Variants in FSTL5 observed in about 807,000 individuals in gnomAD.
FSTL5 encodes follistatin like 5, also known as follistatin-related protein 5.
In FSTL5, 62 loss-of-function variants were observed where a neutral mutation model predicts 89.1. The observed-to-expected ratio is 0.70, with a 90% CI of 0.57 to 0.86. The LOEUF (loss-of-function observed/expected upper bound fraction) is 0.86, where lower values mean the gene tolerates loss of function less well. Ranked by LOEUF, FSTL5 falls within the 40% of genes least tolerant of loss-of-function variation. The pLI is 0.00. For synonymous variants in FSTL5, 383 were observed against 346.2 expected (o/e 1.11, Z -1.18); for missense variants, 1,057 against 1,001.6 (o/e 1.06, Z -0.75).
intron 2 of FSTL5, among the ~76,000 whole-genome samples, chr4:162,039,018 G>A (rs1330996225): frequency 1.3e-5 from 2 of 151,726 alleles, no homozygotes; most frequent in African/African-American, 4.8e-5. Context: ...TACATATGAT[G>A]TTACACGAAT....
At chr4:161,589,297 C>A (rs956839696) in intron 7 of FSTL5, among the ~76,000 whole-genome samples, 1 of 152,128 alleles carries the variant, frequency 6.6e-6, no homozygotes, top group Non-Finnish European at 1.5e-5. Flanking sequence ...CCTCAGCCTC[C>A]TGAGTAGCTG....
In FSTL5 at chr4:161,825,076, A is replaced by G. The variant is rs1030964694; in HGVS notation, c.410-49002T>C. ...ATTAAAGTATGTCCCTTCTATGCCAATTTTTCTAAGGGTTTTAATCATAAA... is the reference window on the plus strand; with the variant it reads ...ATTAAAGTATGTCCCTTCTATGCCAGTTTTTCTAAGGGTTTTAATCATAAA... On this transcript the variant is annotated intron_variant, in intron 4 of 15. Transcript: ENST00000306100. Among the ~76,000 whole-genome samples, 17 of 151,928 alleles carry G rather than the reference A, an allele frequency of 1.1e-4. 1 individual carries two copies. The highest frequency in any genetic ancestry group is 3.9e-4 in the Admixed American group (6 of 15,248).
chr4:161,406,190 T>A (rs17397279), intron 15 of FSTL5, among the ~76,000 whole-genome samples: 1 of 152,142 alleles, frequency 6.6e-6, no homozygotes, highest in South Asian at 2.1e-4. Flanking sequence ...AAGTCAATGT[T>A]ATTGTGTTTT....
At chr4:161,848,347 A>G (rs1431109293) in intron 4 of FSTL5, among the ~76,000 whole-genome samples, 1 of 152,102 alleles carries the variant, frequency 6.6e-6, no homozygotes, top group African/African-American at 2.4e-5. Flanking sequence ...GATGGTTACT[A>G]TTTTTGAAAT....
intron 3 of FSTL5, among the ~76,000 whole-genome samples, chr4:161,976,575 G>C (rs565260545): frequency 1.6e-4 from 25 of 152,198 alleles, no homozygotes; most frequent in Middle Eastern, 3.4e-3. Context: ...TCCGCCTTCC[G>C]TGTTCACGCC....
At chr4:161,730,067 G>A (rs1010143444) in intron 6 of FSTL5, among the ~76,000 whole-genome samples, 4 of 152,148 alleles carry the variant, frequency 2.6e-5, no homozygotes, top group Admixed American at 2.6e-4. Flanking sequence ...GTTTGTATGT[G>A]TGTGTGTTTT....
chr4:161,592,571 GC>G (rs200364765), intron 7 of FSTL5, among the ~76,000 whole-genome samples: 5,864 of 152,112 alleles, frequency 0.039, 272 homozygotes, highest in African/African-American at 0.11. Context: ...ATGGTTTCCA[GC>G]TTCATCCATG....
intron 4 of FSTL5, among the ~76,000 whole-genome samples, chr4:161,912,846 G>C (rs1474746137): frequency 2.6e-5 from 4 of 152,168 alleles, no homozygotes; most frequent in Non-Finnish European, 2.9e-5. Flanking sequence ...TGGTGATAAT[G>C]ATATGAACAA....
chr4:161,917,500 A>G (rs1733874927), intron 4 of FSTL5, among the ~76,000 whole-genome samples: 1 of 152,174 alleles, frequency 6.6e-6, no homozygotes, highest in Admixed American at 6.5e-5. Flanking sequence ...ATTTTGTATT[A>G]TTATAGCACA....
At chr4:161,878,844 T>C (rs1732534949) in intron 4 of FSTL5, among the ~76,000 whole-genome samples, 1 of 152,206 alleles carries the variant, frequency 6.6e-6, no homozygotes, top group Non-Finnish European at 1.5e-5. Flanking sequence ...TCTGTCTATA[T>C]AAAATCACAA....
At chr4:161,935,437 A>G (rs1475834261) in intron 3 of FSTL5, among the ~76,000 whole-genome samples, 1 of 152,112 alleles carries the variant, frequency 6.6e-6, no homozygotes, top group East Asian at 1.9e-4. Flanking sequence ...ATTCAGTTCC[A>G]TCTTCTTACT....
At chr4:161,963,306 G>T (rs1160375122) in intron 3 of FSTL5, among the ~76,000 whole-genome samples, 1 of 151,654 alleles carries the variant, frequency 6.6e-6, no homozygotes, top group Non-Finnish European at 1.5e-5. Flanking sequence ...CTCACATATT[G>T]TATATAGTTA....
chr4:161,978,142 C>T (rs418086), intron 3 of FSTL5, among the ~76,000 whole-genome samples: 11,245 of 152,122 alleles, frequency 0.074, 1,164 homozygotes, highest in African/African-American at 0.23. Context: ...TATAAGAGTT[C>T]CTATTATTTA....
At chr4:161,864,351 T>C (rs2126893258) in intron 4 of FSTL5, among the ~76,000 whole-genome samples, 1 of 152,270 alleles carries the variant, frequency 6.6e-6, no homozygotes. Context: ...TTAGAGACAA[T>C]ATCTAAGTCA....
At chr4:161,399,973 A>T (rs1054971853) in intron 15 of FSTL5, among the ~76,000 whole-genome samples, 5 of 152,130 alleles carry the variant, frequency 3.3e-5, no homozygotes, top group African/African-American at 1.2e-4. Context: ...ATAAATGTTA[A>T]CTTCTTATAA....
chr4:161,507,192 ATAATT>A (rs1196876433), intron 11 of FSTL5, among the ~76,000 whole-genome samples: 1 of 152,004 alleles, frequency 6.6e-6, no homozygotes, highest in Non-Finnish European at 1.5e-5. Flanking sequence ...AGTGAATCAA[ATAATT>A]TAAGTAAGTA....
At chr4:161,704,804 C>T (rs546542628) in intron 6 of FSTL5, among the ~76,000 whole-genome samples, 1 of 152,184 alleles carries the variant, frequency 6.6e-6, no homozygotes, top group African/African-American at 2.4e-5. Flanking sequence ...AACAGAGGTC[C>T]ACTCCACATT....
intron 3 of FSTL5, among the ~76,000 whole-genome samples, chr4:161,973,790 A>G (rs1376067800): frequency 6.6e-6 from 1 of 152,156 alleles, no homozygotes; most frequent in Non-Finnish European, 1.5e-5. Flanking sequence ...AATCAAATAA[A>G]GGTAGGGGCC....
chr4:161,939,778 A>G (rs1166403840), intron 3 of FSTL5, among the ~76,000 whole-genome samples: 1 of 151,940 alleles, frequency 6.6e-6, no homozygotes, highest in Non-Finnish European at 1.5e-5. Flanking sequence ...TTTTAAAGCT[A>G]TGTCCAAAAT....
Sources: allele counts gnomAD v4.1 joint callset (sites outside exome capture counted in the v4.1 genomes callset), GRCh38; gene constraint gnomAD v4.1.1; transcripts MANE v1.5; gene names NCBI Gene and HGNC (gene_info 2026-07-23, HGNC 2026-07-21).